USH2A: variants seen among roughly 807,000 people sequenced by gnomAD.
The protein encoded by USH2A is usherin, also known as Usher syndrome 2A (autosomal recessive, mild).
USH2A carries 443 observed loss-of-function variants against 538.9 expected under a neutral mutation model. The ratio of observed to expected loss-of-function variants is 0.82; its 90% confidence interval spans 0.76 to 0.89. USH2A has a LOEUF of 0.89. Among genes scored for constraint, USH2A ranks in the 40% least tolerant of loss-of-function variants. The pLI is 0.00. For synonymous variants in USH2A, 2,413 were observed against 2,273.5 expected (o/e 1.06, Z -1.75); for missense variants, 6,633 against 6,324.8 (o/e 1.05, Z -1.65).
intron 47 of USH2A, among the ~76,000 whole-genome samples, chr1:215,832,685 T>C (rs1007438320): frequency 1.3e-5 from 2 of 151,920 alleles, no homozygotes; most frequent in African/African-American, 2.4e-5. Context: ...CTTTCAAAGA[T>C]TGGGAACAAG....
chr1:216,162,414 T>C (rs915923605), intron 21 of USH2A, among the ~76,000 whole-genome samples: 16 of 152,106 alleles, frequency 1.1e-4, no homozygotes, highest in African/African-American at 3.9e-4. Context: ...CCTTGTCCTT[T>C]ATTTTCTCTT....
At chr1:216,251,466 T>TTG (rs2036160858) in intron 11 of USH2A, among the ~76,000 whole-genome samples, 1 of 143,142 alleles carries the variant, frequency 7.0e-6, no homozygotes, top group African/African-American at 2.6e-5. Flanking sequence ...TTTTTTTTTT[T>TTG]TTGAGATGGA....
intron 32 of USH2A, among the ~76,000 whole-genome samples, chr1:216,029,955 A>G (rs1669055112): frequency 6.7e-6 from 1 of 149,336 alleles, no homozygotes; most frequent in Non-Finnish European, 1.5e-5. Flanking sequence ...GTTAAAGAAA[A>G]TGTGATAGAT....
intron 67 of USH2A, among the ~76,000 whole-genome samples, chr1:215,646,312 C>T (rs1008877400): frequency 2.2e-4 from 33 of 151,356 alleles, no homozygotes; most frequent in African/African-American, 7.5e-4. Context: ...TCCATATTTT[C>T]ATTTTCCACT....
chr1:216,406,964 T>A (rs1042775806), intron 3 of USH2A, among the ~76,000 whole-genome samples: 1 of 152,146 alleles, frequency 6.6e-6, no homozygotes. Flanking sequence ...CACAGTGAAA[T>A]TGGCATGGGC....
chr1:216,370,716 A>C (rs2038697518), intron 3 of USH2A, among the ~76,000 whole-genome samples: 1 of 148,942 alleles, frequency 6.7e-6, no homozygotes, highest in East Asian at 2.0e-4. Flanking sequence ...TCAAGGTGCT[A>C]TAGAAGCGTG....
Position 216,323,659 on chromosome 1 carries a change from G to C in USH2A, c.1365C>G (p.Ser455Arg), listed in dbSNP as rs551914410. ...TPYSRGNVTF[S>R]ILTPGPNYRP... ...GATAATTTGGTCCAGGTGTCAGGATGCTAAATGTGACATTGCCACGGGAAT... is the reference window on the plus strand; with the variant it reads ...GATAATTTGGTCCAGGTGTCAGGATCCTAAATGTGACATTGCCACGGGAAT... Residue 455 changes from serine (S) to arginine (R), a missense_variant, in exon 8 of 72, where the codon AGC (serine) becomes AGG (arginine). Transcript: ENST00000307340. 4 of 1,613,548 alleles carry C rather than the reference G, an allele frequency of 2.5e-6. No individual in the cohort carries two copies. In the South Asian group the frequency reaches 4.4e-5, roughly 18 times the overall value.
At chr1:215,689,662 T>A (rs1025540554) in intron 61 of USH2A, among the ~76,000 whole-genome samples, 2 of 152,190 alleles carry the variant, frequency 1.3e-5, no homozygotes, top group Non-Finnish European at 2.9e-5. Flanking sequence ...AGAGGGCCTG[T>A]GAAGGACCCC....
chr1:216,156,389 A>T (rs2033941802), intron 21 of USH2A, among the ~76,000 whole-genome samples: 1 of 134,092 alleles, frequency 7.5e-6, no homozygotes, highest in Non-Finnish European at 1.5e-5. Flanking sequence ...TGCTTCTGTT[A>T]TGTTACAGTA....
At chr1:215,797,244 T>A (rs1662168430) in intron 50 of USH2A, among the ~76,000 whole-genome samples, 1 of 152,170 alleles carries the variant, frequency 6.6e-6, no homozygotes, top group African/African-American at 2.4e-5. Flanking sequence ...AGTTGGTTCA[T>A]GAGGTTTAAG....
rs1215696030 is a variant in USH2A, at chr1:215,999,017, T to C, written c.6527A>G (p.Tyr2176Cys). 1.2e-6 allele frequency: 2 copies of C among 1,612,460 alleles called. No homozygotes were observed. The highest frequency in any genetic ancestry group is 4.5e-5 in the East Asian group (2 of 44,794). ...PRKISGILER[Y>C]VLYMSNHTHD... is the part of the protein sequence containing the mutation. ...TGTATGGTTTGACATATATAATACA[T>C]AGCGTTCCAGAATCCCACTTATTTT... is the stretch of plus-strand genomic sequence containing the variant. The change falls in exon 34 of 72, where the codon TAT (tyrosine) becomes TGT (cysteine). Residue 2176 changes from tyrosine (Y) to cysteine (C), a missense_variant. Transcript: ENST00000307340.
chr1:216,112,645 G>A (rs1252469523), intron 21 of USH2A, among the ~76,000 whole-genome samples: 1 of 151,988 alleles, frequency 6.6e-6, no homozygotes, highest in Non-Finnish European at 1.5e-5. Context: ...CCCAGTGTCT[G>A]TTGTTCCTTT....
chr1:215,947,617 A>T (rs971515810), intron 37 of USH2A, among the ~76,000 whole-genome samples: 3 of 152,184 alleles, frequency 2.0e-5, no homozygotes, highest in African/African-American at 7.2e-5. Flanking sequence ...TGTTTAATAC[A>T]TTGCATTGAA....
chr1:216,292,475 G>C, intron 9 of USH2A, 105 bp from the exon 10 acceptor site: 1 of 1,189,026 alleles, frequency 8.4e-7, no homozygotes, highest in Non-Finnish European at 1.2e-6. Context: ...ATATCAGTGA[G>C]TTAAAAGTCA....
chr1:215,941,401 T>TA (rs1666629329), intron 37 of USH2A, among the ~76,000 whole-genome samples: 1 of 152,176 alleles, frequency 6.6e-6, no homozygotes, highest in Non-Finnish European at 1.5e-5. Flanking sequence ...GGTCTATTTT[T>TA]ACTAACCATA....
At chr1:216,086,579 C>T (rs1558251569) in intron 24 of USH2A, 140 bp downstream of exon 24, 1 of 671,814 alleles carries the variant, frequency 1.5e-6, no homozygotes, top group Non-Finnish European at 2.6e-6. Flanking sequence ...AAAAAAGAGA[C>T]CTAAAGGAAA....
intron 61 of USH2A, among the ~76,000 whole-genome samples, chr1:215,710,295 C>T (rs1017586624): frequency 8.5e-5 from 13 of 152,280 alleles, no homozygotes; most frequent in Middle Eastern, 3.4e-3. Flanking sequence ...CCAATTCAAA[C>T]CAAAGCACGT....
intron 13 of USH2A, among the ~76,000 whole-genome samples, chr1:216,244,408 C>A (rs907053066): frequency 6.6e-6 from 1 of 152,064 alleles, no homozygotes; most frequent in Non-Finnish European, 1.5e-5. Flanking sequence ...TTTTTGGTAA[C>A]CCTACAGGAG....
chr1:215,638,618 C>CAA lies in USH2A; in HGVS notation c.15052+535_15052+536dup, dbSNP rs373591243. 4.1e-3 allele frequency among the ~76,000 whole-genome samples: 362 copies of CAA among 87,464 alleles called. 1 individual carries two copies. The highest frequency in any genetic ancestry group is 0.013 in the South Asian group (35 of 2,598). The allele number at this position is 87,464 out of a possible 152,430, so 57.4% of individuals were successfully genotyped here. On this transcript the variant is annotated intron_variant, in intron 69 of 71. Coordinates refer to ENST00000307340, the MANE Select transcript of USH2A (RefSeq NM_206933.4). The stretch of plus-strand genomic sequence containing the variant: ...TGGGCAACAGAGTAAGACTCTGTCT[C>CAA]AAAAAAAAAAAAAAAAAAAGAGTGT...
Sources: gnomAD v4.1 joint callset for allele counts (sites outside exome capture counted in the v4.1 genomes callset) on GRCh38, gnomAD v4.1.1 for gene constraint, MANE v1.5 for transcripts, NCBI Gene and HGNC (gene_info 2026-07-23, HGNC 2026-07-21) for gene names.